Variants in COMMD10 observed in about 807,000 individuals in gnomAD.
COMMD10 encodes COMM domain-containing protein 10.
Under a neutral mutation model 28.9 loss-of-function variants are expected in COMMD10, and 33 were observed. That is an observed-to-expected ratio of 1.14 (90% CI 0.87 to 1.53). The LOEUF (loss-of-function observed/expected upper bound fraction) is 1.53. Among genes scored for constraint, COMMD10 ranks in the 40% most tolerant of loss-of-function variants. COMMD10 has a pLI of 0.00. For missense variants in COMMD10, 310 were observed against 233.4 expected, an observed-to-expected ratio of 1.33 and a Z score of -2.14; for synonymous variants, 110 against 81.7, an observed-to-expected ratio of 1.35 and a Z score of -1.87.
At chr5:116,158,773 T>C (rs1234834556) in intron 5 of COMMD10, among the ~76,000 whole-genome samples, 1 of 152,118 alleles carries the variant, frequency 6.6e-6, no homozygotes, top group Non-Finnish European at 1.5e-5. Flanking sequence ...TTCATTAATC[T>C]AATGGATTTG....
intron 5 of COMMD10, among the ~76,000 whole-genome samples, chr5:116,280,508 C>T (rs147925874): frequency 6.6e-6 from 1 of 151,904 alleles, no homozygotes; most frequent in East Asian, 1.9e-4. Flanking sequence ...AGGCAACCTG[C>T]AGACATAAAG....
intron 5 of COMMD10, among the ~76,000 whole-genome samples, chr5:116,140,569 A>T (rs1752167957): frequency 6.6e-6 from 1 of 151,828 alleles, no homozygotes. Flanking sequence ...TTTTCTCCAC[A>T]TTCTCACCAG....
At chr5:116,258,632 A>C (rs185291342) in intron 5 of COMMD10, among the ~76,000 whole-genome samples, 2 of 151,736 alleles carry the variant, frequency 1.3e-5, no homozygotes, top group Non-Finnish European at 1.5e-5. Flanking sequence ...ATACTATTCT[A>C]TTGACTTTTC....
chr5:116,149,318 G>T (rs1156320047), intron 5 of COMMD10, among the ~76,000 whole-genome samples: 1 of 143,922 alleles, frequency 6.9e-6, no homozygotes, highest in African/African-American at 2.7e-5. Flanking sequence ...ATAAACATAC[G>T]TGTGTGTGTG....
chr5:116,166,519 G>T (rs1478463739), intron 5 of COMMD10, among the ~76,000 whole-genome samples: 14 of 152,188 alleles, frequency 9.2e-5, no homozygotes, highest in African/African-American at 3.4e-4. Flanking sequence ...TCCTCAAGTG[G>T]GTCCCCGGCC....
intron 5 of COMMD10, among the ~76,000 whole-genome samples, chr5:116,166,959 T>C (rs11241372): frequency 0.51 from 77,143 of 151,782 alleles, 22,271 homozygotes; most frequent in Non-Finnish European, 0.65. Flanking sequence ...AGGATCACAG[T>C]TCCTCACCAG....
At chr5:116,113,806 A>G (rs939803222) in intron 4 of COMMD10, among the ~76,000 whole-genome samples, 9 of 151,774 alleles carry the variant, frequency 5.9e-5, no homozygotes, top group South Asian at 2.1e-4. Flanking sequence ...GTTCTGCTCT[A>G]TTGTTGGAGA....
At chr5:116,213,976 A>G (rs1003573721) in intron 5 of COMMD10, among the ~76,000 whole-genome samples, 4 of 152,124 alleles carry the variant, frequency 2.6e-5, no homozygotes, top group Non-Finnish European at 4.4e-5. Context: ...TAATTATCAT[A>G]TTTAGAAATC....
rs574032723 is a variant in COMMD10 at position 116,231,050 on chromosome 5, C to G, written c.511-60467C>G. ...TTTCTGAGACTGCCTTGGAGTGGTT[C>G]AAACCAGAATAAATGCAGTTTACTG... On this transcript the variant is annotated intron_variant, in intron 5 of 6. Coordinates refer to ENST00000274458, the MANE Select transcript of COMMD10 (RefSeq NM_016144.4). Among the ~76,000 whole-genome samples the G allele has an allele frequency of 1.6e-4, 25 of 152,216 alleles. No individual in the cohort carries two copies. In the South Asian group the frequency reaches 4.8e-3, roughly 29 times the overall value.
chr5:116,240,354 G>A (rs903378594), intron 5 of COMMD10, among the ~76,000 whole-genome samples: 5 of 152,076 alleles, frequency 3.3e-5, no homozygotes, highest in African/African-American at 1.2e-4. Flanking sequence ...GGAGAATACA[G>A]CAATCTCCTC....
intron 5 of COMMD10, among the ~76,000 whole-genome samples, chr5:116,229,252 A>G (rs1749470980): frequency 6.6e-6 from 1 of 152,024 alleles, no homozygotes; most frequent in African/African-American, 2.4e-5. Flanking sequence ...AGACACAGTA[A>G]TGGCTTAGTC....
At position 116,289,720 on chromosome 5, in the gene COMMD10, G is replaced by A. The variant is rs896634217; in HGVS notation, c.511-1797G>A. Among the ~76,000 whole-genome samples the A allele has an allele frequency of 2.0e-5, 3 of 151,854 alleles. No individual in the cohort carries two copies. In the East Asian group the frequency reaches 5.8e-4, roughly 29 times the overall value. On this transcript the variant is annotated intron_variant, in intron 5 of 6. Transcript: ENST00000274458. ...CTCCGCTATTCCACATGGGAGAGAG[G>A]CATGCATGAATACACTGAACACTGT... is the stretch of plus-strand genomic sequence containing the variant.
intron 5 of COMMD10, among the ~76,000 whole-genome samples, chr5:116,273,482 C>G (rs973651289): frequency 2.0e-5 from 3 of 151,766 alleles, no homozygotes; most frequent in Non-Finnish European, 2.9e-5. Context: ...AAAACAATTT[C>G]AAGTTCAAAA....
intron 4 of COMMD10, among the ~76,000 whole-genome samples, chr5:116,133,173 G>A (rs1478340367): frequency 6.6e-6 from 1 of 152,114 alleles, no homozygotes; most frequent in Non-Finnish European, 1.5e-5. Flanking sequence ...AGAGGCATAT[G>A]ACAATTGCAT....
At chr5:116,220,344 G>A (rs1225179484) in intron 5 of COMMD10, among the ~76,000 whole-genome samples, 1 of 152,112 alleles carries the variant, frequency 6.6e-6, no homozygotes. Flanking sequence ...AGGAAGTAAA[G>A]GAATTCTAAG....
chr5:116,135,170 A>T (rs758814383), intron 5 of COMMD10, among the ~76,000 whole-genome samples: 1 of 152,198 alleles, frequency 6.6e-6, no homozygotes, highest in Non-Finnish European at 1.5e-5. Flanking sequence ...TTAAGACAAA[A>T]TAGAATTGAG....
At chr5:116,211,477 A>G (rs930874537) in intron 5 of COMMD10, among the ~76,000 whole-genome samples, 1 of 152,178 alleles carries the variant, frequency 6.6e-6, no homozygotes, top group Non-Finnish European at 1.5e-5. Context: ...TGGCTACAGC[A>G]TCACTAGGCC....
intron 5 of COMMD10, among the ~76,000 whole-genome samples, chr5:116,159,388 G>A (rs558177953): frequency 1.7e-4 from 26 of 152,284 alleles, no homozygotes; most frequent in African/African-American, 6.3e-4. Context: ...TATACACATG[G>A]ATTGCTGTTT....
chr5:116,279,180 A>G lies in COMMD10; in HGVS notation c.511-12337A>G, dbSNP rs1750999460. Among the ~76,000 whole-genome samples the G allele has an allele frequency of 4.0e-5, 6 of 151,836 alleles. No individual in the cohort carries two copies. The South Asian group carries it at 1.2e-3, about 31-fold the overall frequency. ...TGTAAAACCCTACTGGTACTTCCGT[A>G]CTGCCTGGACATGCAGTGCATTAAG... is the stretch of plus-strand genomic sequence containing the variant. On this transcript the variant is annotated intron_variant, in intron 5 of 6. Transcript: ENST00000274458.
Sources: gnomAD v4.1 joint callset for allele counts (sites outside exome capture counted in the v4.1 genomes callset) on GRCh38, gnomAD v4.1.1 for gene constraint, MANE v1.5 for transcripts, NCBI Gene and HGNC (gene_info 2026-07-23, HGNC 2026-07-21) for gene names.